SSC4D: variants seen among roughly 807,000 people sequenced by gnomAD.
SSC4D encodes the protein scavenger receptor cysteine rich family member with 4 domains, also known as scavenger receptor cysteine-rich domain-containing group B protein.
Under a neutral mutation model 63.4 loss-of-function variants are expected in SSC4D, and 57 were observed. The ratio of observed to expected loss-of-function variants is 0.90; its 90% CI spans 0.73 to 1.12. SSC4D has a LOEUF of 1.12. Among genes scored for constraint, SSC4D ranks in the 50% most tolerant of loss-of-function variants. The pLI, the probability that SSC4D is intolerant of heterozygous loss-of-function variation, is 0.00. For synonymous variants in SSC4D, 352 were observed against 345.4 expected (o/e 1.02, Z -0.21); for missense variants, 791 against 806.4 (o/e 0.98, Z 0.23).
At position 76,393,433 on chromosome 7, in the gene SSC4D, G is replaced by A; in HGVS notation, c.1305C>T (p.His435=). Residue 435 remains histidine, a synonymous_variant, in exon 9 of 11, where the codon CAC becomes CAT. Transcript: ENST00000275560. ...HLGWGQHNCG[H]HEDAGALCAG... ...CGCAGAGCGCTCCCGCGTCCTCGTG[G>A]TGGCCGCAGTTGTGCTGGCCCCAGC... 8 of 1,505,730 alleles carry A rather than the reference G, an allele frequency of 5.3e-6. No homozygotes were observed. The highest frequency in any genetic ancestry group is 7.1e-6 in the Non-Finnish European group (8 of 1,132,886). The allele number at this position is 1,505,730 out of a possible 1,614,324, so 93.3% of individuals were successfully genotyped here. A position where few individuals can be genotyped will look rare whatever the true frequency, so the allele number is the denominator to read the frequency against.
Position 76,397,544 on chromosome 7 carries a change from T to C in SSC4D, c.842A>G (p.His281Arg). The C allele has an allele frequency of 6.3e-7, 1 of 1,589,154 alleles. No homozygotes were observed. Among genetic ancestry groups the C allele is most frequent in the African/African-American group, 1.3e-5 (1 of 74,226 alleles). ...LGWGVHNCGH[H>R]EDAGALCAGL... ...TGCGCAGAGCGCGCCCGCGTCCTCG[T>C]GGTGGCCGCAGTTGTGCACACCCCA... The change falls in exon 6 of 11, where the codon CAC becomes CGC. Residue 281 changes from histidine to arginine, a missense_variant. His to Arg is a conservative substitution (Grantham distance 29). Coordinates refer to ENST00000275560, the MANE Select transcript of SSC4D (RefSeq NM_080744.2).
chr7:76,400,905 G>A (rs1359848514), intron 3 of SSC4D, 103 bp downstream of exon 3: 47 of 1,466,078 alleles, frequency 3.2e-5, no homozygotes, highest in Non-Finnish European at 4.4e-5. Context: ...GGCATCTAGA[G>A]TCAAGGGGGG....
chr7:76,400,007 A>T (rs906657472), intron 4 of SSC4D, among the ~76,000 whole-genome samples: 1 of 152,060 alleles, frequency 6.6e-6, no homozygotes, highest in African/African-American at 2.4e-5. Context: ...CTCTAAAAAA[A>T]TTTTTTTTAA....
chr7:76,404,345 AG>A lies in SSC4D; in HGVS notation c.94del (p.Leu32SerfsTer27), dbSNP rs768771438. On this transcript the variant is annotated frameshift_variant, in exon 2 of 11. Transcript: ENST00000275560. LOFTEE classifies it high-confidence loss of function. ...LGDGSAAPPFLPQALSFLLLL... is the reference protein window; with the variant it reads ...LGDGSAAPPFXPQALSFLLLL... The stretch of plus-strand genomic sequence containing the variant: ...GAGAAGGAAAGACAGGGCTTGGGGG[AG>A]GAAGGGAGGGGCAGCACTCCCATCT... 6.2e-7 allele frequency: 1 copy of A among 1,611,726 alleles called. No homozygotes were observed. The highest frequency in any genetic ancestry group is 1.7e-5 in the Admixed American group (1 of 59,738).
At chr7:76,397,931 G>A in intron 5 of SSC4D, 99 bp from the exon 6 acceptor site, 1 of 1,231,954 alleles carries the variant, frequency 8.1e-7, no homozygotes, top group Non-Finnish European at 1.1e-6. Context: ...ACAACCCTTG[G>A]GCATCTGCTC....
chr7:76,409,669 G>C lies in SSC4D; in HGVS notation c.-322C>G, dbSNP rs1313120880. The C allele has an allele frequency of 1.3e-5, 2 of 152,468 alleles. No individual in the cohort carries two copies. The highest frequency in any genetic ancestry group is 1.3e-4 in the Admixed American group (2 of 15,268). 9.4% of individuals were successfully genotyped at this position (152,468 alleles called of 1,614,324 possible). A position where few individuals can be genotyped will look rare whatever the true frequency, so the allele number is the denominator to read the frequency against. On this transcript the variant is annotated 5_prime_UTR_variant, in exon 1 of 11. Transcript: ENST00000275560. Reference sequence around the variant, plus strand: ...GAAGCAAAGGGGAGTGGAGGTGGCCGGCACCAGCTGGAGCGGCCCCAGAAA... The same window carrying C: ...GAAGCAAAGGGGAGTGGAGGTGGCCCGCACCAGCTGGAGCGGCCCCAGAAA...
At chr7:76,400,799 G>C (rs1804798178) in intron 3 of SSC4D, among the ~76,000 whole-genome samples, 1 of 152,172 alleles carries the variant, frequency 6.6e-6, no homozygotes, top group African/African-American at 2.4e-5. Context: ...TGCACTACGG[G>C]ACCCAGCCAG....
chr7:76,393,339 G>T, intron 9 of SSC4D, 66 bp downstream of exon 9: 1 of 1,287,012 alleles, frequency 7.8e-7, no homozygotes. Flanking sequence ...GCGTGGCGCC[G>T]CCCCGCCCCT....
chr7:76,404,537 C>G, intron 1 of SSC4D, 32 bp from the exon 2 acceptor site: 1 of 1,580,644 alleles, frequency 6.3e-7, no homozygotes, highest in Non-Finnish European at 8.6e-7. Flanking sequence ...GTTGCTGGGC[C>G]TCCCAGCACT....
At chr7:76,401,346 TCAGCTCCTGAGCTTTCACTACAAAA>T (rs1804823265) in intron 2 of SSC4D, among the ~76,000 whole-genome samples, 1 of 152,202 alleles carries the variant, frequency 6.6e-6, no homozygotes, top group Admixed American at 6.6e-5. Context: ...TACAGGAGTC[TCAGCTCCTGAGCTTTCACTACAAAA>T]CCTTCTAGAA....
chr7:76,402,858 G>T (rs931561766), intron 2 of SSC4D, among the ~76,000 whole-genome samples: 1 of 151,882 alleles, frequency 6.6e-6, no homozygotes, highest in South Asian at 2.1e-4. Context: ...GTAGAGATGG[G>T]GTTTCTGCAT....
intron 1 of SSC4D, among the ~76,000 whole-genome samples, chr7:76,408,690 C>T (rs1053055689): frequency 1.3e-5 from 2 of 152,182 alleles, no homozygotes; most frequent in Non-Finnish European, 2.9e-5. Context: ...CCAAGCCTGC[C>T]TCCTACCCTC....
chr7:76,406,035 G>A (rs984736420), intron 1 of SSC4D, among the ~76,000 whole-genome samples: 18 of 151,422 alleles, frequency 1.2e-4, no homozygotes, highest in Non-Finnish European at 1.8e-4. Context: ...GTCCAGGCTG[G>A]AATGCAATGG....
At position 76,389,917 on chromosome 7, in the gene SSC4D, C is replaced by T. The variant is rs1584013313; in HGVS notation, c.*142G>A. The T allele has an allele frequency of 1.9e-6, 2 of 1,078,518 alleles. No homozygotes were observed. Among genetic ancestry groups the T allele is most frequent in the Non-Finnish European group, 1.3e-6 (1 of 745,066 alleles). The allele number at this position is 1,078,518 out of a possible 1,614,324, so 66.8% of individuals were successfully genotyped here. The stretch of plus-strand genomic sequence containing the variant: ...TACAGCCAGGCTCCCCCAAGCAGGA[C>T]TGCACTGTCTAGGTAGGCTCTCTCC... On this transcript the variant is annotated 3_prime_UTR_variant, in exon 11 of 11. Transcript: ENST00000275560.
At position 76,390,095 on chromosome 7, in the gene SSC4D, G is replaced by T; in HGVS notation, c.1692C>A (p.His564Gln). Residue 564 changes from histidine to glutamine, a missense_variant, in exon 11 of 11, where the codon CAC becomes CAA. His to Gln is a conservative substitution (Grantham distance 24). Transcript: ENST00000275560. ...GGCACAGGACACTGGCATCCTCGCT[G>T]TGGTCACAGTTGTGGGCATCCCAGC... ...HIRWDAHNCD[H>Q]SEDASVLCQP... The T allele has an allele frequency of 6.2e-7, 1 of 1,614,248 alleles. No homozygotes were observed. Among genetic ancestry groups the T allele is most frequent in the Non-Finnish European group, 8.5e-7 (1 of 1,180,044 alleles).
chr7:76,393,002 C>T (rs1804525488), intron 9 of SSC4D, among the ~76,000 whole-genome samples: 4 of 152,206 alleles, frequency 2.6e-5, no homozygotes, highest in Non-Finnish European at 5.9e-5. Context: ...GCCCAAAGGT[C>T]ACACGCTAGC....
Position 76,395,235 on chromosome 7 carries a change from G to A in SSC4D, c.946+18C>T. On this transcript the variant is annotated intron_variant, in intron 7 of 10. Coordinates refer to ENST00000275560, the MANE Select transcript of SSC4D (RefSeq NM_080744.2). ...ACCATACCCCTACCATTCCCGCCTG[G>A]AGGGCTGAGCTCTTTACCGGACGGA... The A allele has an allele frequency of 6.2e-7, 1 of 1,613,360 alleles. No individual in the cohort carries two copies. The highest frequency in any genetic ancestry group is 8.5e-7 in the Non-Finnish European group (1 of 1,179,752).
In SSC4D at chr7:76,397,818, G is replaced by A. The variant is rs1804691343; in HGVS notation, c.568C>T (p.Arg190Cys). 5.7e-6 allele frequency: 9 copies of A among 1,585,110 alleles called. No individual in the cohort carries two copies. The highest frequency in any genetic ancestry group is 6.9e-6 in the Non-Finnish European group (8 of 1,163,110). ...LPNGKSEGSVRLVGGANLCQG... is the reference protein window; with the variant it reads ...LPNGKSEGSVCLVGGANLCQG... ...CACAGGTTCGCGCCCCCTACCAGGC[G>A]TACGCTGCCCTCACCTGGGGATGGG... Residue 190 changes from arginine to cysteine, a missense_variant, in exon 6 of 11, where the codon CGC (arginine) becomes TGC (cysteine). Physicochemically the swap from Arg to Cys is radical, Grantham distance 180 (BLOSUM62 -3). Coordinates refer to ENST00000275560, the MANE Select transcript of SSC4D (RefSeq NM_080744.2).
At position 76,393,921 on chromosome 7, in the gene SSC4D, T is replaced by G; in HGVS notation, c.947-17A>C. 5.0e-6 allele frequency: 8 copies of G among 1,588,332 alleles called. No homozygotes were observed. Among genetic ancestry groups the G allele is most frequent in the Non-Finnish European group, 6.9e-6 (8 of 1,165,978 alleles). On this transcript the variant is annotated splice_polypyrimidine_tract_variant and intron_variant, in intron 7 of 10. Transcript: ENST00000275560. ...CTCCTGTAGCTGTGGAGACAGGGCA[T>G]CTAGGGCGTTCGAAGGGGACGAGGA...
Sources: allele counts gnomAD v4.1 joint callset (sites outside exome capture counted in the v4.1 genomes callset), GRCh38; gene constraint gnomAD v4.1.1; transcripts MANE v1.5; gene names NCBI Gene and HGNC (gene_info 2026-07-23, HGNC 2026-07-21).